The following MTFR2 variants were observed in gnomAD, a reference collection of about 807,000 sequenced individuals.
MTFR2 encodes the protein DUF729 domain-containing protein 1.
A neutral mutation model predicts 41.2 loss-of-function variants in MTFR2; 44 were observed. The ratio of observed to expected loss-of-function variants is 1.07; its 90% CI spans 0.84 to 1.37. The LOEUF (loss-of-function observed/expected upper bound fraction) is 1.37. Among genes scored for constraint, MTFR2 ranks in the 40% most tolerant of loss-of-function variants. MTFR2 has a pLI of 0.00. For synonymous variants in MTFR2, 141 were observed against 154.6 expected (o/e 0.91, Z 0.65); for missense variants, 452 against 459.5 (o/e 0.98, Z 0.15).
chr6:136,241,317 T>C (rs1780063813), intron 5 of MTFR2, 127 bp downstream of exon 5: 1 of 698,782 alleles, frequency 1.4e-6, no homozygotes, highest in Non-Finnish European at 2.3e-6. Context: ...TTGTACTCAC[T>C]TAAATACTAG....
intron 2 of MTFR2, chr6:136,247,635 C>A (rs1181029054): frequency 6.9e-6 from 3 of 431,848 alleles, no homozygotes; most frequent in South Asian, 1.7e-5. Context: ...TTTTCACAAG[C>A]AAACTTTTCA....
At chr6:136,243,553 A>C (rs1420577026) in intron 3 of MTFR2, among the ~76,000 whole-genome samples, 1 of 151,908 alleles carries the variant, frequency 6.6e-6, no homozygotes, top group Non-Finnish European at 1.5e-5. Flanking sequence ...CCAGACCAAA[A>C]AAAAGTCAGC....
At chr6:136,249,001 T>TACA (rs746448567) in intron 2 of MTFR2, 36 bp downstream of exon 2, 1 of 1,553,796 alleles carries the variant, frequency 6.4e-7, no homozygotes, top group East Asian at 2.3e-5. Flanking sequence ...CAAGAACAAA[T>TACA]ACAACAGATC....
intron 6 of MTFR2, among the ~76,000 whole-genome samples, chr6:136,237,404 A>G (rs1230400063): frequency 6.6e-6 from 1 of 152,244 alleles, no homozygotes; most frequent in African/African-American, 2.4e-5. Flanking sequence ...TAATTCAAGA[A>G]CAGAGGAAAC....
chr6:136,243,062 C>T, intron 3 of MTFR2, 89 bp from the exon 4 acceptor site: 1 of 731,728 alleles, frequency 1.4e-6, no homozygotes, highest in Non-Finnish European at 2.1e-6. Context: ...GTTAACAATC[C>T]AAAAGAAAGA....
At chr6:136,240,427 A>G (rs1332589324) in intron 5 of MTFR2, among the ~76,000 whole-genome samples, 1 of 151,702 alleles carries the variant, frequency 6.6e-6, no homozygotes, top group Non-Finnish European at 1.5e-5. Context: ...CACTGTATAA[A>G]TATCTTAAAT....
chr6:136,249,159 G>A lies in MTFR2; in HGVS notation c.-54-6C>T, dbSNP rs1309651774. ...CATTATCAGTTTCTTGGTGCCTTTG[G>A]GGAAAATTTTAGAAAATGTTACTCT... On this transcript the variant is annotated splice_polypyrimidine_tract_variant and splice_region_variant and intron_variant, in intron 1 of 7. Coordinates refer to ENST00000420702, the MANE Select transcript of MTFR2 (RefSeq NM_001099286.3). 2 of 1,428,180 alleles carry A rather than the reference G, an allele frequency of 1.4e-6. No homozygotes were observed. The highest frequency in any genetic ancestry group is 2.6e-5 in the Admixed American group (1 of 38,176). The allele number at this position is 1,428,180 out of a possible 1,614,324, so 88.5% of individuals were successfully genotyped here. A position where few individuals can be genotyped will look rare whatever the true frequency, so the allele number is the denominator to read the frequency against.
intron 6 of MTFR2, 104 bp downstream of exon 6, chr6:136,239,362 G>T: frequency 1.2e-6 from 1 of 845,116 alleles, no homozygotes; most frequent in Non-Finnish European, 1.8e-6. Flanking sequence ...GGGTGAAGAA[G>T]AATAAGAAAA....
Position 136,245,816 on chromosome 6 carries a change from C to T in MTFR2, c.64-947G>A, listed in dbSNP as rs530745582. Among the ~76,000 whole-genome samples the T allele has an allele frequency of 1.2e-4, 18 of 152,154 alleles. 1 individual carries two copies. In the South Asian group the frequency reaches 1.2e-3, roughly 11 times the overall value. ...TTTCAGGTTTTGAGTGATGCTCAAC[C>T]GATAATATTTTTAAATTGCTAAGAT... On this transcript the variant is annotated intron_variant, in intron 2 of 7. Transcript: ENST00000420702.
chr6:136,238,043 T>C (rs1779954269), intron 6 of MTFR2, among the ~76,000 whole-genome samples: 1 of 152,026 alleles, frequency 6.6e-6, no homozygotes, highest in Non-Finnish European at 1.5e-5. Flanking sequence ...CATCCAAAAA[T>C]TAGAAATAGA....
intron 4 of MTFR2, among the ~76,000 whole-genome samples, 175 bp downstream of exon 4, chr6:136,242,686 A>C (rs1046536688): frequency 6.6e-6 from 1 of 152,174 alleles, no homozygotes; most frequent in African/African-American, 2.4e-5. Flanking sequence ...CTAAAAAAAA[A>C]ACAACTGGCT....
intron 4 of MTFR2, 61 bp from the exon 5 acceptor site, chr6:136,241,737 A>T: frequency 7.8e-7 from 1 of 1,276,256 alleles, no homozygotes; most frequent in South Asian, 1.3e-5. Flanking sequence ...AAGAGGTATA[A>T]ACTCTTACAC....
At chr6:136,232,399 C>T (rs1418912816) in intron 7 of MTFR2, among the ~76,000 whole-genome samples, 1 of 152,176 alleles carries the variant, frequency 6.6e-6, no homozygotes, top group African/African-American at 2.4e-5. Flanking sequence ...GAATTAATTA[C>T]AGATGCGTGC....
Position 136,242,867 on chromosome 6 carries a change from C to G in MTFR2, c.275G>C (p.Arg92Thr). Residue 92 changes from arginine (R) to threonine (T), a missense_variant, in exon 4 of 8, where the codon AGA becomes ACA. Coordinates refer to ENST00000420702, the MANE Select transcript of MTFR2 (RefSeq NM_001099286.3). The stretch of plus-strand genomic sequence containing the variant: ...GATAAGCATATAAAATTACCGAAAT[C>G]TGAGATAACTGGCTTCTTCATCATT... ...VANDEEASYL[R>T]FRNSIWKNEE... The G allele has an allele frequency of 6.2e-7, 1 of 1,608,734 alleles. No homozygotes were observed. The highest frequency in any genetic ancestry group is 8.5e-7 in the Non-Finnish European group (1 of 1,178,190).
chr6:136,239,560 T>A lies in MTFR2; in HGVS notation c.775A>T (p.Ser259Cys), dbSNP rs1379637725. 2.4e-5 allele frequency: 39 copies of A among 1,614,184 alleles called. No individual in the cohort carries two copies. Among genetic ancestry groups the A allele is most frequent in the Non-Finnish European group, 3.2e-5 (38 of 1,180,030 alleles). Reference protein sequence around the residue: ...QNPAANKTNYSHHSKSQRNKD... With the variant: ...QNPAANKTNYCHHSKSQRNKD... Reference sequence around the variant, plus strand: ...TTTCTCTGGCTTTTTGAATGATGACTATAATTGGTCTTATTAGCAGCCGGG... The same window carrying A: ...TTTCTCTGGCTTTTTGAATGATGACAATAATTGGTCTTATTAGCAGCCGGG... Residue 259 changes from serine to cysteine, a missense_variant, in exon 6 of 8, where the codon AGT becomes TGT. Transcript: ENST00000420702.
intron 4 of MTFR2, 45 bp from the exon 5 acceptor site, chr6:136,241,721 A>T: frequency 6.9e-7 from 1 of 1,442,666 alleles, no homozygotes; most frequent in South Asian, 1.2e-5. Context: ...ATATATTTCC[A>T]ATCAAAAGAG....
intron 6 of MTFR2, among the ~76,000 whole-genome samples, chr6:136,238,841 C>T (rs944512085): frequency 6.6e-6 from 1 of 151,938 alleles, no homozygotes; most frequent in African/African-American, 2.4e-5. Context: ...CCAACATGGG[C>T]AGATCGCTTG....
In MTFR2 at chr6:136,231,710, C is replaced by T. The variant is rs1026887893; in HGVS notation, c.1045-322G>A. Among the ~76,000 whole-genome samples, 64 of 136,374 alleles carry T rather than the reference C, an allele frequency of 4.7e-4. 1 individual carries two copies. Among genetic ancestry groups the T allele is most frequent in the Admixed American group, 2.7e-3 (37 of 13,932 alleles). 89.5% of individuals were successfully genotyped at this position (136,374 alleles called of 152,430 possible). A position where few individuals can be genotyped will look rare whatever the true frequency, so the allele number is the denominator to read the frequency against. On this transcript the variant is annotated intron_variant, in intron 7 of 7. Transcript: ENST00000420702. ...AAAAAAAAGAAGATTATCTAAAATA[C>T]TTGTAATTGGCTGGAAAAAGTGCTA... is the stretch of plus-strand genomic sequence containing the variant.
chr6:136,244,932 A>C (rs1286587988), intron 2 of MTFR2, 63 bp from the exon 3 acceptor site: 10 of 1,241,872 alleles, frequency 8.1e-6, no homozygotes, highest in Middle Eastern at 4.0e-4. Flanking sequence ...TATAAGTATG[A>C]AAAAAGGAGA....
Sources: allele counts gnomAD v4.1 joint callset (sites outside exome capture counted in the v4.1 genomes callset), GRCh38; gene constraint gnomAD v4.1.1; transcripts MANE v1.5; gene names NCBI Gene and HGNC (gene_info 2026-07-23, HGNC 2026-07-21).